PSTPIP1: variants seen among roughly 807,000 people sequenced by gnomAD.
PSTPIP1 encodes the protein proline-serine-threonine phosphatase interacting protein 1.
In PSTPIP1, 66 loss-of-function variants were observed where a neutral mutation model predicts 69.6. The observed-to-expected ratio is 0.95, with a 90% CI of 0.78 to 1.16. PSTPIP1 has a LOEUF of 1.16. Among genes scored for constraint, PSTPIP1 ranks in the 50% most tolerant of loss-of-function variants. PSTPIP1 has a pLI of 0.00. For missense variants in PSTPIP1, 603 were observed against 557.4 expected (o/e 1.08, Z -0.82); for synonymous variants, 266 against 222.7 (o/e 1.19, Z -1.73).
chr15:77,027,118 C>CTG lies in PSTPIP1; in HGVS notation c.355-723_355-722dup, dbSNP rs921213612. ...GCCCTGTGCACTTGGGTGTTTTGTG[C>CTG]TGTGTGTGTGTGAGTGCCTGTGCCT... On this transcript the variant is annotated intron_variant, in intron 5 of 14. Coordinates refer to ENST00000558012, the MANE Select transcript of PSTPIP1 (RefSeq NM_003978.5). This position sits in a 1 kb window ranked among gnomAD's most constrained non-coding sequence, Gnocchi z 4.3. Among the ~76,000 whole-genome samples the CTG allele has an allele frequency of 6.6e-6, 1 of 152,078 alleles. No individual in the cohort carries two copies. The highest frequency in any genetic ancestry group is 2.4e-5 in the African/African-American group (1 of 41,392).
intron 9 of PSTPIP1, 83 bp downstream of exon 9, chr15:77,030,664 C>T: frequency 7.4e-7 from 1 of 1,356,870 alleles, no homozygotes; most frequent in Admixed American, 2.5e-5. Flanking sequence ...TAAAGGGGCC[C>T]AAGTGAGGCA....
chr15:77,031,470 C>T (rs143603046), intron 10 of PSTPIP1, 192 bp downstream of exon 10: 9 of 511,970 alleles, frequency 1.8e-5, no homozygotes, highest in East Asian at 1.7e-4. Context: ...CACACAGGGC[C>T]ATGGCTTCTC....
intron 1 of PSTPIP1, among the ~76,000 whole-genome samples, chr15:77,017,558 C>T (rs2152678369): frequency 6.6e-6 from 1 of 152,340 alleles, no homozygotes; most frequent in Non-Finnish European, 1.5e-5. Flanking sequence ...CCACAGAGAG[C>T]CCAGCGCAGC....
intron 1 of PSTPIP1, among the ~76,000 whole-genome samples, chr15:77,014,017 C>T (rs1477148115): frequency 4.6e-5 from 7 of 151,978 alleles, no homozygotes; most frequent in African/African-American, 1.5e-4. Flanking sequence ...GGCAGGCAGG[C>T]GGGGAGGGCT....
chr15:76,998,342 G>T lies in PSTPIP1; in HGVS notation c.36+2733G>T, dbSNP rs370227630. Among the ~76,000 whole-genome samples, 3 of 152,332 alleles carry T rather than the reference G, an allele frequency of 2.0e-5. No individual in the cohort carries two copies. The East Asian group carries it at 5.8e-4, about 29-fold the overall frequency. ...AACACGGGGCGGAGGAGGGGAGCCA[G>T]CCCTGCTGTTTCTGGCTTTAGCTCA... On this transcript the variant is annotated intron_variant, in intron 1 of 14. Coordinates refer to ENST00000558012, the MANE Select transcript of PSTPIP1 (RefSeq NM_003978.5).
chr15:76,996,324 G>A (rs1199502038), intron 1 of PSTPIP1, among the ~76,000 whole-genome samples: 2 of 152,248 alleles, frequency 1.3e-5, no homozygotes, highest in East Asian at 1.9e-4. Flanking sequence ...CCCGGGCCAC[G>A]TAGCCTGCAG....
chr15:77,021,548 G>A (rs2076162247), intron 3 of PSTPIP1, among the ~76,000 whole-genome samples: 1 of 152,148 alleles, frequency 6.6e-6, no homozygotes, highest in Non-Finnish European at 1.5e-5. Context: ...GCATGGTGAC[G>A]CGAGCCTGCA....
rs745393110 is a variant in PSTPIP1, at chr15:77,025,470, G to C, written c.248-28G>C. On this transcript the variant is annotated intron_variant, in intron 4 of 14. Transcript: ENST00000558012. ...CTGAGGCCCATCAGATCTGACACTGGGGACCAGTATCCATGCTCTGCCCCC... is the reference window on the plus strand; with the variant it reads ...CTGAGGCCCATCAGATCTGACACTGCGGACCAGTATCCATGCTCTGCCCCC... 10 of 1,576,872 alleles carry C rather than the reference G, an allele frequency of 6.3e-6. No individual in the cohort carries two copies. The East Asian group carries it at 2.3e-4, about 37-fold the overall frequency.
intron 2 of PSTPIP1, 87 bp downstream of exon 2, chr15:77,018,335 C>T (rs948774578): frequency 7.2e-6 from 11 of 1,533,092 alleles, no homozygotes; most frequent in Non-Finnish European, 9.7e-6. Flanking sequence ...AGGCCCCCAT[C>T]CCAGCCAAAC....
rs2076296519 is a variant in PSTPIP1, at chr15:77,027,053, C to T, written c.355-799C>T. On this transcript the variant is annotated intron_variant, in intron 5 of 14. Transcript: ENST00000558012. The surrounding 1 kb of genome is among the most constrained non-coding windows in gnomAD (Gnocchi z 4.3). ...TTACAGGATGGTGCACACGTGCCTA[C>T]GCTCCCCTGCATATGCCTGTGAGCA... Among the ~76,000 whole-genome samples, 1 of 152,234 alleles carries T rather than the reference C, an allele frequency of 6.6e-6. No individual in the cohort carries two copies. Among genetic ancestry groups the T allele is most frequent in the African/African-American group, 2.4e-5 (1 of 41,460 alleles).
At chr15:77,013,539 G>A (rs1201237840) in intron 1 of PSTPIP1, among the ~76,000 whole-genome samples, 1 of 152,044 alleles carries the variant, frequency 6.6e-6, no homozygotes, top group East Asian at 1.9e-4. Flanking sequence ...CAGGTTTTTT[G>A]GTGACCCTGC....
intron 1 of PSTPIP1, among the ~76,000 whole-genome samples, chr15:77,014,687 C>G (rs992261782): frequency 6.6e-6 from 1 of 152,198 alleles, no homozygotes; most frequent in Non-Finnish European, 1.5e-5. Context: ...GGGTGCTTCT[C>G]CACTCAAGCC....
chr15:77,018,984 T>C (rs1596086513), intron 3 of PSTPIP1, among the ~76,000 whole-genome samples: 1 of 152,114 alleles, frequency 6.6e-6, no homozygotes, highest in African/African-American at 2.4e-5. Context: ...TGTCTGACCA[T>C]GGGCTGGCTG....
intron 1 of PSTPIP1, among the ~76,000 whole-genome samples, chr15:77,008,960 T>C (rs1278074208): frequency 6.6e-6 from 1 of 152,214 alleles, no homozygotes; most frequent in East Asian, 1.9e-4. Flanking sequence ...TCTTTGTCTC[T>C]CACTCTGACC....
At position 77,022,146 on chromosome 15, in the gene PSTPIP1, G is replaced by C. The variant is rs371548078; in HGVS notation, c.213-3138G>C. ...GAGAGATTTTTAAAATTTTTTTCAT[G>C]GTCTCTCTTCCTCTGAACTCAGAGA... On this transcript the variant is annotated intron_variant, in intron 3 of 14. Coordinates refer to ENST00000558012, the MANE Select transcript of PSTPIP1 (RefSeq NM_003978.5). 2.9e-3 allele frequency among the ~76,000 whole-genome samples: 439 copies of C among 152,266 alleles called. 3 individuals are homozygous for C. Among genetic ancestry groups the C allele is most frequent in the African/African-American group, 0.01 (416 of 41,554 alleles).
Position 76,995,158 on chromosome 15 carries a change from C to T in PSTPIP1, c.-416C>T, listed in dbSNP as rs2075545710. On this transcript the variant is annotated 5_prime_UTR_variant, in exon 1 of 15. Transcript: ENST00000558012. ...CCTGCGCAGGCCTCGGGCTGCCTGC[C>T]TGCCTGCCTGCCTGGCCCGGCCCGA... 2 of 1,186,676 alleles carry T rather than the reference C, an allele frequency of 1.7e-6. No homozygotes were observed. The highest frequency in any genetic ancestry group is 1.7e-5 in the South Asian group (1 of 60,596). The allele number at this position is 1,186,676 out of a possible 1,614,324, so 73.5% of individuals were successfully genotyped here. A position where few individuals can be genotyped will look rare whatever the true frequency, so the allele number is the denominator to read the frequency against.
At chr15:77,011,128 G>A (rs1000096703) in intron 1 of PSTPIP1, among the ~76,000 whole-genome samples, 1 of 152,212 alleles carries the variant, frequency 6.6e-6, no homozygotes, top group East Asian at 1.9e-4. Context: ...ACAGACCTTG[G>A]TCAAAAGCCA....
intron 1 of PSTPIP1, among the ~76,000 whole-genome samples, chr15:76,999,060 T>C (rs1044446762): frequency 6.6e-6 from 1 of 152,180 alleles, no homozygotes; most frequent in Non-Finnish European, 1.5e-5. Flanking sequence ...TCTAAGGCGC[T>C]GGGAAGCCCA....
intron 13 of PSTPIP1, 48 bp from the exon 14 acceptor site, chr15:77,035,754 G>A: frequency 6.8e-7 from 1 of 1,466,382 alleles, no homozygotes; most frequent in Non-Finnish European, 8.9e-7. Flanking sequence ...ACTTCCAGGG[G>A]CCAGTGTCCC....
Sources: allele counts gnomAD v4.1 joint callset (sites outside exome capture counted in the v4.1 genomes callset), GRCh38; gene constraint gnomAD v4.1.1; non-coding constraint Gnocchi (gnomAD v3.1); transcripts MANE v1.5; gene names NCBI Gene and HGNC (gene_info 2026-07-23, HGNC 2026-07-21).